The following ZNF81 variants were observed in gnomAD, a reference collection of about 807,000 sequenced individuals.
ZNF81 encodes zinc finger protein 81 (HFZ20).
In ZNF81, 5 loss-of-function variants were observed where a neutral mutation model predicts 32.3. That is an observed-to-expected ratio of 0.15 (90% CI 0.08 to 0.33). The LOEUF (loss-of-function observed/expected upper bound fraction) is 0.33. Ranked by LOEUF, ZNF81 falls within the 10% of genes least tolerant of loss-of-function variation. ZNF81 has a pLI of 1.00. For synonymous variants in ZNF81, 163 were observed against 166.8 expected, an observed-to-expected ratio of 0.98 and a Z score of 0.17; for missense variants, 379 against 479.8, an observed-to-expected ratio of 0.79 and a Z score of 1.96.
At chrX:47,899,400 A>G (rs782743704) in intron 4 of ZNF81, among the ~76,000 whole-genome samples, 1 of 110,737 alleles carries the variant, frequency 9.0e-6, no homozygotes, top group East Asian at 2.8e-4. Context: ...ATTATGGTGA[A>G]TTCATTGATT....
At chrX:47,875,168 G>C (rs1158942914) in intron 2 of ZNF81, among the ~76,000 whole-genome samples, 1 of 111,613 alleles carries the variant, frequency 9.0e-6, no homozygotes, top group Non-Finnish European at 1.9e-5. Flanking sequence ...GGAGCAGGAG[G>C]GTTTGGTGAA....
chrX:47,880,102 C>T (rs2058614791), intron 2 of ZNF81, among the ~76,000 whole-genome samples: 1 of 112,131 alleles, frequency 8.9e-6, no homozygotes, highest in African/African-American at 3.2e-5. Flanking sequence ...TAATTCATCC[C>T]TCCAGGAGGC....
intron 2 of ZNF81, among the ~76,000 whole-genome samples, chrX:47,853,425 C>T (rs1353617901): frequency 3.6e-5 from 4 of 112,002 alleles, no homozygotes; most frequent in Admixed American, 9.5e-5. Flanking sequence ...CGTGATCTGC[C>T]TGCCTTGGCC....
chrX:47,841,736 C>G, intron 1 of ZNF81: 1 of 491,263 alleles, frequency 2.0e-6, no homozygotes, highest in Non-Finnish European at 3.4e-6. Flanking sequence ...CTTTGTCAAT[C>G]TTGCTGGAGG....
At position 47,879,074 on chromosome X, in the gene ZNF81, T is replaced by G. The variant is rs782153865; in HGVS notation, c.55-8925T>G. Reference sequence around the variant, plus strand: ...CTCACTCTTCTTCTTTTAAGGATCCTTGTGGCTACATTGGCCCCACCTAGA... The same window carrying G: ...CTCACTCTTCTTCTTTTAAGGATCCGTGTGGCTACATTGGCCCCACCTAGA... On this transcript the variant is annotated intron_variant, in intron 2 of 4. Coordinates refer to ENST00000338637, the MANE Select transcript of ZNF81 (RefSeq NM_007137.5). 3.6e-5 allele frequency among the ~76,000 whole-genome samples: 4 copies of G among 111,946 alleles called. No homozygotes were observed. The East Asian group carries it at 8.4e-4, about 23-fold the overall frequency.
chrX:47,917,207 A>T lies in ZNF81; in HGVS notation c.*575A>T, dbSNP rs1028231293. 5.4e-5 allele frequency: 16 copies of T among 294,316 alleles called. No individual in the cohort carries two copies. Among genetic ancestry groups the T allele is most frequent in the African/African-American group, 4.4e-4 (16 of 36,433 alleles). The allele number at this position is 294,316 out of a possible 1,213,427, so 24.3% of individuals were successfully genotyped here. On this transcript the variant is annotated 3_prime_UTR_variant, in exon 5 of 5. Transcript: ENST00000338637. ...TGTCTATCAAATATGTTTCTTATTG[A>T]ATATTTCTATCAAGTGAATCCACAA...
At chrX:47,885,301 T>C (rs1476193317) in intron 2 of ZNF81, among the ~76,000 whole-genome samples, 1 of 112,105 alleles carries the variant, frequency 8.9e-6, no homozygotes, top group Non-Finnish European at 1.9e-5. Flanking sequence ...TTATTCTGTT[T>C]GGAATTTGCA....
In ZNF81 at chrX:47,914,971, T is replaced by G. The variant is rs782545238; in HGVS notation, c.325T>G (p.Ser109Ala). Residue 109 changes from serine (S) to alanine (A), a missense_variant, in exon 5 of 5, where the codon TCT becomes GCT. By Grantham distance (99) the Ser-to-Ala change is moderately conservative. This residue lies in a region of ZNF81 where 277 missense variants were observed against 306.6 expected (regional missense o/e 0.90). Transcript: ENST00000338637. ...KPSQRRISGKSTFHSEMEGED... is the reference protein window; with the variant it reads ...KPSQRRISGKATFHSEMEGED... ...TTCCCAGAGGAGAATTTCTGGGAAATCTACATTTCATAGTGAAATGGAGGG... is the reference window on the plus strand; with the variant it reads ...TTCCCAGAGGAGAATTTCTGGGAAAGCTACATTTCATAGTGAAATGGAGGG... 3 of 1,207,536 alleles carry G rather than the reference T, an allele frequency of 2.5e-6. No homozygotes were observed. In the South Asian group the frequency reaches 5.3e-5, roughly 22 times the overall value.
At chrX:47,844,965 C>T (rs549900236) in intron 1 of ZNF81, among the ~76,000 whole-genome samples, 4 of 112,036 alleles carry the variant, frequency 3.6e-5, no homozygotes, top group East Asian at 2.8e-4. Flanking sequence ...TCTTATGTTA[C>T]GATCAGAGAA....
intron 2 of ZNF81, among the ~76,000 whole-genome samples, chrX:47,868,755 G>A (rs1556883544): frequency 9.1e-6 from 1 of 110,384 alleles, no homozygotes; most frequent in Non-Finnish European, 1.9e-5. Context: ...GTCTCCTTTT[G>A]CCCTTGGCTG....
intron 2 of ZNF81, among the ~76,000 whole-genome samples, chrX:47,855,198 C>A (rs5906491): frequency 0.43 from 45,218 of 106,272 alleles, 7,556 homozygotes; most frequent in East Asian, 0.63. Context: ...AATAAAAAAA[C>A]CCCCAAATCT....
At chrX:47,899,548 A>G (rs1219219793) in intron 4 of ZNF81, among the ~76,000 whole-genome samples, 1 of 109,640 alleles carries the variant, frequency 9.1e-6, no homozygotes, top group Admixed American at 9.7e-5. Flanking sequence ...GATTTGGTTC[A>G]TGGTTTTCTT....
At chrX:47,872,899 T>C (rs782192198) in intron 2 of ZNF81, among the ~76,000 whole-genome samples, 1 of 111,841 alleles carries the variant, frequency 8.9e-6, no homozygotes, top group African/African-American at 3.2e-5. Context: ...TGATTCGATA[T>C]CTTGAATTAA....
chrX:47,912,882 T>C (rs565537517), intron 4 of ZNF81, among the ~76,000 whole-genome samples: 1 of 111,704 alleles, frequency 9.0e-6, no homozygotes, highest in South Asian at 3.8e-4. Context: ...AGAAATGCTC[T>C]ATGACTGGGC....
intron 3 of ZNF81, among the ~76,000 whole-genome samples, chrX:47,892,273 A>G (rs2058665301): frequency 9.0e-6 from 1 of 111,294 alleles, no homozygotes; most frequent in South Asian, 3.8e-4. Context: ...CCACCCCAGG[A>G]TCCAACTACC....
chrX:47,887,372 A>G (rs981894071), intron 2 of ZNF81, among the ~76,000 whole-genome samples: 12 of 112,247 alleles, frequency 1.1e-4, no homozygotes, highest in Non-Finnish European at 2.1e-4. Context: ...AAACAAGTAG[A>G]AAACAAATCA....
At chrX:47,909,165 A>T (rs1434688933) in intron 4 of ZNF81, among the ~76,000 whole-genome samples, 3 of 112,118 alleles carry the variant, frequency 2.7e-5, no homozygotes, top group Non-Finnish European at 5.6e-5. Flanking sequence ...TTTATATAGA[A>T]TTGGTATTGG....
intron 4 of ZNF81, among the ~76,000 whole-genome samples, chrX:47,901,390 C>T (rs1251939270): frequency 9.0e-6 from 1 of 111,466 alleles, no homozygotes; most frequent in African/African-American, 3.3e-5. Flanking sequence ...TTATCTTGTT[C>T]CCAATCTGAA....
chrX:47,853,099 G>T (rs146450972), intron 2 of ZNF81, among the ~76,000 whole-genome samples: 3 of 111,718 alleles, frequency 2.7e-5, no homozygotes, highest in African/African-American at 9.7e-5. Flanking sequence ...CTAGCAATAG[G>T]TGTCAACAGT....
Sources: allele counts gnomAD v4.1 joint callset (sites outside exome capture counted in the v4.1 genomes callset), GRCh38; gene constraint gnomAD v4.1.1; regional missense constraint gnomAD v4.1.1; transcripts MANE v1.5; gene names NCBI Gene and HGNC (gene_info 2026-07-23, HGNC 2026-07-21).